Variants in ANO2 observed in about 807,000 individuals in gnomAD.
The protein encoded by ANO2 is anoctamin 2.
A neutral mutation model predicts 124.2 loss-of-function variants in ANO2; 101 were observed. The observed-to-expected ratio is 0.81, with a 90% CI of 0.69 to 0.96. The LOEUF (loss-of-function observed/expected upper bound fraction) is 0.96. Among genes scored for constraint, ANO2 ranks in the 40% least tolerant of loss-of-function variants. The pLI is 0.00. For synonymous variants in ANO2, 486 were observed against 482.5 expected (o/e 1.01, Z -0.09); for missense variants, 1,293 against 1,274.5 (o/e 1.01, Z -0.22).
intron 3 of ANO2, among the ~76,000 whole-genome samples, chr12:5,901,088 C>T (rs1297226012): frequency 1.3e-5 from 2 of 152,206 alleles, no homozygotes; most frequent in African/African-American, 4.8e-5. Context: ...GTTTCCATAC[C>T]GAGCAAGGCT....
intron 1 of ANO2, among the ~76,000 whole-genome samples, chr12:5,940,727 A>G (rs1942861133): frequency 6.6e-6 from 1 of 152,244 alleles, no homozygotes; most frequent in African/African-American, 2.4e-5. Flanking sequence ...AAAGTTAAAC[A>G]TATGACCCAG....
At chr12:5,827,637 G>A in intron 7 of ANO2, 132 bp downstream of exon 7, 1 of 1,115,956 alleles carries the variant, frequency 9.0e-7, no homozygotes, top group South Asian at 1.3e-5. Context: ...CTCAGCCCAA[G>A]CTAAGCAGCC....
chr12:5,737,187 G>A (rs750891534), intron 13 of ANO2, among the ~76,000 whole-genome samples: 3 of 152,194 alleles, frequency 2.0e-5, no homozygotes, highest in Non-Finnish European at 4.4e-5. Flanking sequence ...TGCACATGTG[G>A]GGCACGCCAG....
chr12:5,634,804 T>C (rs1945919551), intron 16 of ANO2, among the ~76,000 whole-genome samples: 1 of 152,248 alleles, frequency 6.6e-6, no homozygotes, highest in Non-Finnish European at 1.5e-5. Flanking sequence ...TAAAGCTCTG[T>C]AATTTTTAAC....
intron 6 of ANO2, among the ~76,000 whole-genome samples, chr12:5,829,356 GA>G (rs559306240): frequency 4.7e-5 from 7 of 150,244 alleles, no homozygotes; most frequent in South Asian, 2.1e-4. Context: ...TTTTCCATTG[GA>G]AAAAAAAAGA....
chr12:5,726,862 C>T (rs1351942222), intron 14 of ANO2, among the ~76,000 whole-genome samples: 1 of 152,194 alleles, frequency 6.6e-6, no homozygotes, highest in African/African-American at 2.4e-5. Context: ...AAGACTGACT[C>T]TCAGAACTGG....
Position 5,739,498 on chromosome 12 carries a change from A to C in ANO2, c.1352-99T>G, listed in dbSNP as rs1319355778. ...GTGGAGGTGGGGGATAAGCTATTTT[A>C]AATTTAGGAGCTCTCTTTAATGCAT... On this transcript the variant is annotated intron_variant, in intron 12 of 24. Transcript: ENST00000682330. 4 of 965,882 alleles carry C rather than the reference A, an allele frequency of 4.1e-6. No individual in the cohort carries two copies. The East Asian group carries it at 8.0e-5, about 19-fold the overall frequency. 59.8% of individuals were successfully genotyped at this position (965,882 alleles called of 1,614,324 possible).
chr12:5,572,868 C>T (rs975015964), intron 23 of ANO2, among the ~76,000 whole-genome samples: 8 of 152,128 alleles, frequency 5.3e-5, no homozygotes, highest in African/African-American at 1.4e-4. Context: ...TTTTCTAAAA[C>T]GGGCCACAAA....
chr12:5,866,418 C>G (rs748277723), intron 3 of ANO2, among the ~76,000 whole-genome samples: 1 of 152,162 alleles, frequency 6.6e-6, no homozygotes, highest in Non-Finnish European at 1.5e-5. Context: ...CCTGATCACA[C>G]GAGCTTATAA....
At chr12:5,624,458 T>C (rs1945295098) in intron 16 of ANO2, among the ~76,000 whole-genome samples, 1 of 151,988 alleles carries the variant, frequency 6.6e-6, no homozygotes, top group Admixed American at 6.6e-5. Flanking sequence ...CTGTCCCTGA[T>C]CACAGACACC....
chr12:5,862,733 C>T lies in ANO2; in HGVS notation c.535-8592G>A, dbSNP rs375327722. Among the ~76,000 whole-genome samples the T allele has an allele frequency of 6.6e-6, 1 of 152,174 alleles. No homozygotes were observed. The highest frequency in any genetic ancestry group is 1.5e-5 in the Non-Finnish European group (1 of 68,024). ...GGGGCGGTTTCCCCCATACTGTTCT[C>T]GTGGTAGTGAATAAGCTCACAAGAT... On this transcript the variant is annotated intron_variant, in intron 3 of 24. Coordinates refer to ENST00000682330, the MANE Select transcript of ANO2 (RefSeq NM_001364791.2). The surrounding 1 kb of genome is among the most constrained non-coding windows in gnomAD (Gnocchi z 4.0).
intron 14 of ANO2, among the ~76,000 whole-genome samples, chr12:5,685,212 T>C (rs11063817): frequency 0.37 from 56,864 of 152,116 alleles, 12,384 homozygotes; most frequent in East Asian, 0.59. Context: ...GGAGAAGGGC[T>C]TGGTCCTCAG....
At chr12:5,652,393 G>A (rs939340270) in intron 14 of ANO2, among the ~76,000 whole-genome samples, 1 of 152,140 alleles carries the variant, frequency 6.6e-6, no homozygotes, top group African/African-American at 2.4e-5. Context: ...ATATTGTACA[G>A]TATTATTAAA....
chr12:5,889,827 G>A (rs1373164732), intron 3 of ANO2, among the ~76,000 whole-genome samples: 2 of 152,220 alleles, frequency 1.3e-5, no homozygotes, highest in African/African-American at 2.4e-5. Flanking sequence ...ATAGAGCTTC[G>A]CTCAATGAAG....
chr12:5,635,246 C>T lies in ANO2; in HGVS notation c.1722G>A (p.Val574=). ...LNKATRSNVR[V]TVTATAVIIN... is the part of the protein sequence containing the mutation. Reference sequence around the variant, plus strand: ...TGATGACTGCTGTTGCTGTCACTGTCACCCGGACATTGGAGCGTGTAGCCT... The same window carrying T: ...TGATGACTGCTGTTGCTGTCACTGTTACCCGGACATTGGAGCGTGTAGCCT... Residue 574 remains valine, a synonymous_variant, in exon 16 of 25, where the codon GTG becomes GTA. Coordinates refer to ENST00000682330, the MANE Select transcript of ANO2 (RefSeq NM_001364791.2). This position sits in a 1 kb window ranked among gnomAD's most constrained non-coding sequence, Gnocchi z 5.2. 1 of 1,613,278 alleles carries T rather than the reference C, an allele frequency of 6.2e-7. No homozygotes were observed. The highest frequency in any genetic ancestry group is 8.5e-7 in the Non-Finnish European group (1 of 1,179,720).
At chr12:5,683,274 G>GA in intron 14 of ANO2, among the ~76,000 whole-genome samples, 1 of 152,112 alleles carries the variant, frequency 6.6e-6, no homozygotes, top group East Asian at 1.9e-4. Context: ...TAGGGAAAAA[G>GA]AAAAATCAAG....
At chr12:5,861,116 T>C (rs1275258508) in intron 3 of ANO2, among the ~76,000 whole-genome samples, 1 of 152,142 alleles carries the variant, frequency 6.6e-6, no homozygotes, top group Non-Finnish European at 1.5e-5. Context: ...CAAGCACACC[T>C]AACATATCTT....
In ANO2 at chr12:5,587,711, C is replaced by G. The variant is rs1943187650; in HGVS notation, c.2234-9193G>C. ...TGATATTGGAGATTCCCTCGAAAGCCAGCTGCTACCCTCCCAGGTTTCTCC... is the reference window on the plus strand; with the variant it reads ...TGATATTGGAGATTCCCTCGAAAGCGAGCTGCTACCCTCCCAGGTTTCTCC... On this transcript the variant is annotated intron_variant, in intron 20 of 24. Transcript: ENST00000682330. Among the ~76,000 whole-genome samples the G allele has an allele frequency of 2.0e-5, 3 of 152,256 alleles. No homozygotes were observed. In the South Asian group the frequency reaches 6.2e-4, roughly 32 times the overall value.
Position 5,575,110 on chromosome 12 carries a change from T to G in ANO2, c.2621+724A>C, listed in dbSNP as rs145857633. Among the ~76,000 whole-genome samples, 4 of 152,150 alleles carry G rather than the reference T, an allele frequency of 2.6e-5. No homozygotes were observed. The East Asian group carries it at 7.7e-4, about 29-fold the overall frequency. On this transcript the variant is annotated intron_variant, in intron 23 of 24. Coordinates refer to ENST00000682330, the MANE Select transcript of ANO2 (RefSeq NM_001364791.2). ...CTCTCTTACAACACCTAGCTGCCCC[T>G]CCAGGAGGCCCACCCTTTCCATTCT...
Sources: allele counts gnomAD v4.1 joint callset (sites outside exome capture counted in the v4.1 genomes callset), GRCh38; gene constraint gnomAD v4.1.1; non-coding constraint Gnocchi (gnomAD v3.1); transcripts MANE v1.5; gene names NCBI Gene and HGNC (gene_info 2026-07-23, HGNC 2026-07-21).